Variants in CTTNBP2NL observed in about 807,000 individuals in gnomAD.
CTTNBP2NL encodes the protein CTTNBP2 N-terminal like.
CTTNBP2NL carries 16 observed loss-of-function variants against 32.5 expected under a neutral mutation model. The ratio of observed to expected loss-of-function variants is 0.49; its 90% CI spans 0.33 to 0.75. The LOEUF (loss-of-function observed/expected upper bound fraction) is 0.75, where lower values mean the gene tolerates loss of function less well. Ranked by LOEUF, CTTNBP2NL falls within the 30% of genes least tolerant of loss-of-function variation. CTTNBP2NL has a pLI of 0.02. For synonymous variants in CTTNBP2NL, 298 were observed against 289.4 expected (o/e 1.03, Z -0.30); for missense variants, 645 against 756.0 (o/e 0.85, Z 1.72).
intron 1 of CTTNBP2NL, among the ~76,000 whole-genome samples, chr1:112,396,858 G>T (rs1322136595): frequency 5.3e-5 from 8 of 152,092 alleles, no homozygotes; most frequent in Non-Finnish European, 8.8e-5. Flanking sequence ...GCAGCCCCTC[G>T]CATCCTCTGG....
At chr1:112,451,483 C>T (rs961299760) in intron 4 of CTTNBP2NL, among the ~76,000 whole-genome samples, 1 of 150,746 alleles carries the variant, frequency 6.6e-6, no homozygotes, top group African/African-American at 2.4e-5. Context: ...AAAATACAGG[C>T]TTTGAAGGCC....
chr1:112,410,490 A>G (rs1233086696), intron 1 of CTTNBP2NL, among the ~76,000 whole-genome samples: 2 of 151,310 alleles, frequency 1.3e-5, no homozygotes, highest in African/African-American at 4.9e-5. Context: ...TATCTTTTTT[A>G]TTGTATATAT....
At chr1:112,427,673 A>G (rs1570730099) in intron 3 of CTTNBP2NL, among the ~76,000 whole-genome samples, 1 of 152,324 alleles carries the variant, frequency 6.6e-6, no homozygotes, top group East Asian at 1.9e-4. Context: ...AGGCAAGTGG[A>G]TCACGAGGTC....
At chr1:112,439,365 AC>A (rs1649830431) in intron 3 of CTTNBP2NL, among the ~76,000 whole-genome samples, 1 of 152,150 alleles carries the variant, frequency 6.6e-6, no homozygotes, top group African/African-American at 2.4e-5. Context: ...TCTTCCCAGG[AC>A]CTCACTTTTG....
intron 1 of CTTNBP2NL, among the ~76,000 whole-genome samples, chr1:112,402,064 A>C (rs1243711970): frequency 2.0e-5 from 3 of 152,188 alleles, no homozygotes; most frequent in Non-Finnish European, 4.4e-5. Flanking sequence ...TTCTTTGTGC[A>C]AAACTGCTGG....
Position 112,460,844 on chromosome 1 carries a change from C to G in CTTNBP2NL, c.*3432C>G, listed in dbSNP as rs1050739343. 2 of 152,070 alleles carry G rather than the reference C, an allele frequency of 1.3e-5. No individual in the cohort carries two copies. The highest frequency in any genetic ancestry group is 2.4e-5 in the African/African-American group (1 of 41,400). The allele number at this position is 152,070 out of a possible 1,614,324, so 9.4% of individuals were successfully genotyped here. On this transcript the variant is annotated 3_prime_UTR_variant, in exon 6 of 6. Transcript: ENST00000271277. ...ATCATTTCAACAAATACTAGCATATCCGGTTTCCCTTAATAGCCTGTCAGC... is the reference window on the plus strand; with the variant it reads ...ATCATTTCAACAAATACTAGCATATGCGGTTTCCCTTAATAGCCTGTCAGC...
intron 3 of CTTNBP2NL, among the ~76,000 whole-genome samples, chr1:112,442,187 G>A (rs1273900622): frequency 6.6e-6 from 1 of 152,118 alleles, no homozygotes; most frequent in African/African-American, 2.4e-5. Context: ...GTGCAGTGGC[G>A]CGATCTCGGC....
At chr1:112,429,730 A>T (rs1649505780) in intron 3 of CTTNBP2NL, among the ~76,000 whole-genome samples, 2 of 152,204 alleles carry the variant, frequency 1.3e-5, no homozygotes, top group Non-Finnish European at 2.9e-5. Flanking sequence ...TGGTCAAGTA[A>T]ATTATGGTAT....
intron 1 of CTTNBP2NL, among the ~76,000 whole-genome samples, chr1:112,411,881 T>C (rs1648878671): frequency 6.6e-6 from 1 of 152,116 alleles, no homozygotes; most frequent in Non-Finnish European, 1.5e-5. Context: ...GTCATGGTGA[T>C]TCAAGCAAAT....
intron 4 of CTTNBP2NL, among the ~76,000 whole-genome samples, chr1:112,453,768 T>C (rs1302703009): frequency 6.6e-6 from 1 of 151,960 alleles, no homozygotes; most frequent in African/African-American, 2.4e-5. Context: ...AATAAATATA[T>C]TTGTCTTCTC....
chr1:112,407,043 G>A (rs903232735), intron 1 of CTTNBP2NL, among the ~76,000 whole-genome samples: 7 of 152,072 alleles, frequency 4.6e-5, no homozygotes, highest in African/African-American at 1.7e-4. Context: ...ATCTTTCCTC[G>A]TGGGATCCTG....
upstream of CTTNBP2NL, among the ~76,000 whole-genome samples, chr1:112,394,720 C>T (rs1473283850): frequency 1.3e-5 from 2 of 152,166 alleles, no homozygotes. Context: ...GTTTGCTTTA[C>T]CATCATCCAC....
chr1:112,414,947 G>A (rs1649011646), intron 2 of CTTNBP2NL: 1 of 152,268 alleles, frequency 6.6e-6, no homozygotes, highest in African/African-American at 2.4e-5. Flanking sequence ...CCAGCACTTT[G>A]AAGGCTAAGG....
rs5777110 is a variant in CTTNBP2NL, at chr1:112,407,219, C to CA, written c.-133-4973dup. Among the ~76,000 whole-genome samples, 1,388 of 152,310 alleles carry CA rather than the reference C, an allele frequency of 9.1e-3. 29 individuals carry two copies. The highest frequency in any genetic ancestry group is 0.032 in the African/African-American group (1,337 of 41,564). ...GGAAGGCTTAGATCCCCCTTACCTA[C>CA]AATTCAATTAGATCCAGTTGTTCTA... On this transcript the variant is annotated intron_variant, in intron 1 of 5. Transcript: ENST00000271277.
chr1:112,417,870 A>G (rs1027080277), intron 3 of CTTNBP2NL, among the ~76,000 whole-genome samples: 3 of 150,786 alleles, frequency 2.0e-5, no homozygotes, highest in African/African-American at 4.8e-5. Flanking sequence ...TGGTTCTCCA[A>G]TGTATCAGGA....
intron 1 of CTTNBP2NL, among the ~76,000 whole-genome samples, chr1:112,409,793 G>A (rs1160417519): frequency 6.6e-6 from 1 of 152,152 alleles, no homozygotes; most frequent in African/African-American, 2.4e-5. Flanking sequence ...AAGCATAACC[G>A]AAACCAGAAT....
intron 3 of CTTNBP2NL, among the ~76,000 whole-genome samples, chr1:112,440,158 A>G (rs558988084): frequency 6.6e-6 from 1 of 152,318 alleles, no homozygotes; most frequent in South Asian, 2.1e-4. Flanking sequence ...CCTGCAAATC[A>G]TGCACAAGTC....
At chr1:112,440,831 A>G (rs1649871147) in intron 3 of CTTNBP2NL, among the ~76,000 whole-genome samples, 1 of 152,224 alleles carries the variant, frequency 6.6e-6, no homozygotes, top group South Asian at 2.1e-4. Flanking sequence ...TTCATGAGGA[A>G]TGCTGTTAGG....
At position 112,455,441 on chromosome 1, in the gene CTTNBP2NL, T is replaced by G. The variant is rs72987326; in HGVS notation, c.439-490T>G. 3.1e-3 allele frequency among the ~76,000 whole-genome samples: 472 copies of G among 152,250 alleles called. 1 individual carries two copies. Among genetic ancestry groups the G allele is most frequent in the African/African-American group, 0.011 (453 of 41,544 alleles). On this transcript the variant is annotated intron_variant, in intron 5 of 5. Transcript: ENST00000271277. ...TCGCTTGAACCCAGAAGGCGGAGGT[T>G]GCAGTGAGCCAATATTGCACCATTG... is the stretch of plus-strand genomic sequence containing the variant.
Sources: allele counts gnomAD v4.1 joint callset (sites outside exome capture counted in the v4.1 genomes callset), GRCh38; gene constraint gnomAD v4.1.1; transcripts MANE v1.5; gene names NCBI Gene and HGNC (gene_info 2026-07-23, HGNC 2026-07-21).